Variants in CDR2 observed in about 807,000 individuals in gnomAD.
CDR2 encodes cerebellar degeneration-related protein 2.
Under a neutral mutation model 48.4 loss-of-function variants are expected in CDR2, and 34 were observed. The observed-to-expected ratio is 0.70, with a 90% CI of 0.53 to 0.94. CDR2 has a LOEUF of 0.94. Among genes scored for constraint, CDR2 ranks in the 40% least tolerant of loss-of-function variants. CDR2 has a pLI of 0.00. For missense variants in CDR2, 498 were observed against 549.5 expected, an observed-to-expected ratio of 0.91 and a Z score of 0.94; for synonymous variants, 240 against 219.7, an observed-to-expected ratio of 1.09 and a Z score of -0.82.
Position 22,349,389 on chromosome 16 carries a change from T to C in CDR2, c.396A>G (p.Gln132=). 8 of 1,614,140 alleles carry C rather than the reference T, an allele frequency of 5.0e-6. No homozygotes were observed. The highest frequency in any genetic ancestry group is 5.9e-6 in the Non-Finnish European group (7 of 1,179,988). Residue 132 remains glutamine (Q), a synonymous_variant, in exon 4 of 5, where the codon CAA becomes CAG. Coordinates refer to ENST00000268383, the MANE Select transcript of CDR2 (RefSeq NM_001802.2). ...LQTNIDHLQS[Q]VEELKSSGQG... ...GGCCAGATGACTTCAGCTCCTCCACTTGGCTCTGGAGGTGATCAATGTTGG... is the reference window on the plus strand; with the variant it reads ...GGCCAGATGACTTCAGCTCCTCCACCTGGCTCTGGAGGTGATCAATGTTGG...
At chr16:22,362,754 A>C (rs1047711276) in intron 2 of CDR2, among the ~76,000 whole-genome samples, 1 of 152,200 alleles carries the variant, frequency 6.6e-6, no homozygotes, top group Non-Finnish European at 1.5e-5. Context: ...CTAGTTTAAT[A>C]GTTTTGTTTT....
chr16:22,373,866 C>A (rs2049096547), intron 1 of CDR2, among the ~76,000 whole-genome samples: 2 of 152,356 alleles, frequency 1.3e-5, no homozygotes, highest in Middle Eastern at 3.4e-3. Context: ...TGCGACGGGG[C>A]GGCTTCTCGG....
At chr16:22,349,631 C>G in intron 3 of CDR2, 70 bp downstream of exon 3, 1 of 1,523,560 alleles carries the variant, frequency 6.6e-7, no homozygotes, top group Non-Finnish European at 9.0e-7. Flanking sequence ...CCACTGCAGC[C>G]ATGTTCTATT....
chr16:22,368,279 G>C (rs1264755278), intron 1 of CDR2, among the ~76,000 whole-genome samples: 2 of 151,934 alleles, frequency 1.3e-5, no homozygotes, highest in African/African-American at 4.8e-5. Context: ...GTGCGATCTC[G>C]GCTCACTGCA....
chr16:22,368,250 C>G (rs2049055316), intron 1 of CDR2, among the ~76,000 whole-genome samples: 1 of 152,110 alleles, frequency 6.6e-6, no homozygotes, highest in South Asian at 2.1e-4. Context: ...ACTCTTGTCA[C>G]CCAGGCTGGA....
chr16:22,366,162 T>C (rs1346963511), intron 1 of CDR2, among the ~76,000 whole-genome samples: 1 of 152,258 alleles, frequency 6.6e-6, no homozygotes, highest in Admixed American at 6.5e-5. Context: ...CCTGCTTTGC[T>C]GACATTCCCA....
intron 2 of CDR2, among the ~76,000 whole-genome samples, chr16:22,356,841 T>C (rs2048977095): frequency 6.7e-6 from 1 of 148,252 alleles, no homozygotes; most frequent in Non-Finnish European, 1.5e-5. Flanking sequence ...CTGGGGAGGC[T>C]GAAGCAGGAG....
In CDR2 at chr16:22,356,854, T is replaced by C. The variant is rs573155639; in HGVS notation, c.193-7005A>G. On this transcript the variant is annotated intron_variant, in intron 2 of 4. Coordinates refer to ENST00000268383, the MANE Select transcript of CDR2 (RefSeq NM_001802.2). ...TACTGGGGAGGCTGAAGCAGGAGAA[T>C]TGTTTGAACCTGCGAGGCAGAAGTT... Among the ~76,000 whole-genome samples, 10 of 150,544 alleles carry C rather than the reference T, an allele frequency of 6.6e-5. No individual in the cohort carries two copies. In the South Asian group the frequency reaches 1.7e-3, roughly 25 times the overall value.
intron 4 of CDR2, 70 bp downstream of exon 4, chr16:22,349,209 C>T: frequency 6.6e-7 from 1 of 1,523,138 alleles, no homozygotes; most frequent in East Asian, 2.3e-5. Context: ...TTTCAATCTA[C>T]TGGAAATCAG....
At chr16:22,369,982 T>C (rs1264460805) in intron 1 of CDR2, among the ~76,000 whole-genome samples, 1 of 152,232 alleles carries the variant, frequency 6.6e-6, no homozygotes, top group East Asian at 1.9e-4. Flanking sequence ...CTAAAAATAC[T>C]GTAGATTTAT....
chr16:22,361,979 G>GC (rs1338527508), intron 2 of CDR2, among the ~76,000 whole-genome samples: 2 of 141,092 alleles, frequency 1.4e-5, no homozygotes, highest in Non-Finnish European at 3.0e-5. Flanking sequence ...TCGGCTCACT[G>GC]CAAGCTCCGC....
At chr16:22,359,463 C>T (rs7184649) in intron 2 of CDR2, among the ~76,000 whole-genome samples, 8,099 of 152,162 alleles carry the variant, frequency 0.053, 700 homozygotes, top group African/African-American at 0.18. Context: ...AACTATGCAA[C>T]GATTTATACC....
At chr16:22,350,730 C>T (rs905518504) in intron 2 of CDR2, among the ~76,000 whole-genome samples, 2 of 152,094 alleles carry the variant, frequency 1.3e-5, no homozygotes, top group African/African-American at 4.8e-5. Flanking sequence ...GGCTAATTTT[C>T]CAAAGCATAT....
intron 4 of CDR2, 114 bp from the exon 5 acceptor site, chr16:22,347,937 ATTTTTT>A (rs1287577230): frequency 9.8e-7 from 1 of 1,023,596 alleles, no homozygotes; most frequent in African/African-American, 1.6e-5. Flanking sequence ...ACAGTGACTA[ATTTTTT>A]TTTCTTTTTT....
chr16:22,362,750 TA>T (rs562708843), intron 2 of CDR2, among the ~76,000 whole-genome samples: 2 of 152,308 alleles, frequency 1.3e-5, no homozygotes, highest in South Asian at 4.1e-4. Flanking sequence ...TTGGCTAGTT[TA>T]ATAGTTTTGT....
At position 22,347,353 on chromosome 16, in the gene CDR2, C is replaced by T; in HGVS notation, c.977G>A (p.Gly326Asp). The T allele has an allele frequency of 6.2e-7, 1 of 1,614,266 alleles. No individual in the cohort carries two copies. Among genetic ancestry groups the T allele is most frequent in the Middle Eastern group, 1.6e-4 (1 of 6,062 alleles). Residue 326 changes from glycine to aspartate, a missense_variant, in exon 5 of 5, where the codon GGC becomes GAC. Physicochemically the swap from Gly to Asp is moderately conservative, Grantham distance 94. Coordinates refer to ENST00000268383, the MANE Select transcript of CDR2 (RefSeq NM_001802.2). ...SSLAGSDIVK[G>D]HEETCIRRAK... Reference sequence around the variant, plus strand: ...CCTCCTGATGCAGGTCTCCTCGTGGCCCTTCACGATGTCACTCCCTGCCAA... The same window carrying T: ...CCTCCTGATGCAGGTCTCCTCGTGGTCCTTCACGATGTCACTCCCTGCCAA...
chr16:22,346,573 C>T lies in CDR2; in HGVS notation c.*392G>A. 5.5e-6 allele frequency: 1 copy of T among 181,308 alleles called. No homozygotes were observed. The highest frequency in any genetic ancestry group is 1.2e-5 in the Non-Finnish European group (1 of 85,492). 11.2% of individuals were successfully genotyped at this position (181,308 alleles called of 1,614,324 possible). A position where few individuals can be genotyped will look rare whatever the true frequency, so the allele number is the denominator to read the frequency against. On this transcript the variant is annotated 3_prime_UTR_variant, in exon 5 of 5. Transcript: ENST00000268383. ...AGTTTGACAGCCTTCTGACTTTCAT[C>T]GTTTTGAGAAGTTGCGCAAGGAAGC...
intron 1 of CDR2, among the ~76,000 whole-genome samples, chr16:22,366,387 G>A (rs758512525): frequency 3.3e-5 from 5 of 152,250 alleles, no homozygotes; most frequent in East Asian, 3.9e-4. Context: ...ACTTGATAGC[G>A]ATAAATGCTA....
At chr16:22,361,560 G>A (rs2049010487) in intron 2 of CDR2, among the ~76,000 whole-genome samples, 1 of 152,214 alleles carries the variant, frequency 6.6e-6, no homozygotes, top group Non-Finnish European at 1.5e-5. Context: ...GATGGAGCAG[G>A]CAGCAAGGAC....
Sources: gnomAD v4.1 joint callset for allele counts (sites outside exome capture counted in the v4.1 genomes callset) on GRCh38, gnomAD v4.1.1 for gene constraint, MANE v1.5 for transcripts, NCBI Gene and HGNC (gene_info 2026-07-23, HGNC 2026-07-21) for gene names.